Variants in OSBPL1A observed in about 807,000 individuals in gnomAD.
The protein encoded by OSBPL1A is oxysterol binding protein like 1A.
In OSBPL1A, 80 loss-of-function variants were observed where a neutral mutation model predicts 137.1. The observed-to-expected ratio is 0.58, with a 90% CI of 0.49 to 0.70. The LOEUF (loss-of-function observed/expected upper bound fraction) is 0.70. Ranked by LOEUF, OSBPL1A falls within the 30% of genes least tolerant of loss-of-function variation. The pLI is 0.00. For missense variants in OSBPL1A, 970 were observed against 1,129.4 expected (o/e 0.86, Z 2.02); for synonymous variants, 365 against 389.7 (o/e 0.94, Z 0.75).
At chr18:24,265,106 T>C (rs111811908) in intron 15 of OSBPL1A, among the ~76,000 whole-genome samples, 6 of 152,294 alleles carry the variant, frequency 3.9e-5, no homozygotes, top group African/African-American at 1.4e-4. Flanking sequence ...TTCTGAGACT[T>C]TGGGATTTTA....
At chr18:24,259,958 A>G (rs761437216) in intron 15 of OSBPL1A, among the ~76,000 whole-genome samples, 14 of 152,194 alleles carry the variant, frequency 9.2e-5, no homozygotes, top group Non-Finnish European at 1.8e-4. Flanking sequence ...TACAATATAT[A>G]CACAATCATG....
intron 14 of OSBPL1A, among the ~76,000 whole-genome samples, chr18:24,296,019 T>C (rs147499331): frequency 3.7e-4 from 57 of 152,152 alleles, no homozygotes; most frequent in African/African-American, 1.2e-3. Context: ...AGTTTTAAGA[T>C]TTTTTTTCTA....
chr18:24,338,160 C>T (rs2091210238), intron 5 of OSBPL1A, among the ~76,000 whole-genome samples: 1 of 151,436 alleles, frequency 6.6e-6, no homozygotes, highest in African/African-American at 2.4e-5. Flanking sequence ...GCAACCTCTG[C>T]CTCTCGGGTT....
At chr18:24,379,577 A>T (rs139641446) in intron 1 of OSBPL1A, among the ~76,000 whole-genome samples, 360 of 152,082 alleles carry the variant, frequency 2.4e-3, no homozygotes, top group Non-Finnish European at 4.0e-3. Flanking sequence ...ATTGAAACGA[A>T]GTTCTAAAAA....
intron 15 of OSBPL1A, among the ~76,000 whole-genome samples, chr18:24,247,962 C>A (rs1477236888): frequency 6.6e-6 from 1 of 152,100 alleles, no homozygotes; most frequent in Non-Finnish European, 1.5e-5. Flanking sequence ...AAAGGTTCAA[C>A]TGAGATGGGA....
At position 24,258,675 on chromosome 18, in the gene OSBPL1A, T is replaced by C. The variant is rs1419622872; in HGVS notation, c.1282-19293A>G. Among the ~76,000 whole-genome samples the C allele has an allele frequency of 2.0e-5, 3 of 152,208 alleles. No homozygotes were observed. The East Asian group carries it at 5.8e-4, about 29-fold the overall frequency. ...GAGGGAATGGCTATCCCATTTTCCATGTGATTATTACGCATTGTATGCCTG... is the reference window on the plus strand; with the variant it reads ...GAGGGAATGGCTATCCCATTTTCCACGTGATTATTACGCATTGTATGCCTG... On this transcript the variant is annotated intron_variant, in intron 15 of 27. Transcript: ENST00000319481.
At position 24,303,633 on chromosome 18, in the gene OSBPL1A, T is replaced by C. The variant is rs1406136172; in HGVS notation, c.1174+4A>G. Reference sequence around the variant, plus strand: ...GATTGTAGGGATAGTGCTTGTCTTTTTACCTTTAGCCATGTCACACTCCTT... The same window carrying C: ...GATTGTAGGGATAGTGCTTGTCTTTCTACCTTTAGCCATGTCACACTCCTT... On this transcript the variant is annotated splice_donor_region_variant and intron_variant, in intron 14 of 27. Transcript: ENST00000319481. 1 of 1,609,786 alleles carries C rather than the reference T, an allele frequency of 6.2e-7. No individual in the cohort carries two copies. Among genetic ancestry groups the C allele is most frequent in the Non-Finnish European group, 8.5e-7 (1 of 1,176,304 alleles).
intron 15 of OSBPL1A, among the ~76,000 whole-genome samples, chr18:24,241,083 C>T (rs1321863260): frequency 2.6e-5 from 4 of 152,206 alleles, no homozygotes. Flanking sequence ...ATGCAGAAAA[C>T]TGAAACTGGA....
chr18:24,262,251 T>A (rs2089460473), intron 15 of OSBPL1A, among the ~76,000 whole-genome samples: 1 of 152,226 alleles, frequency 6.6e-6, no homozygotes, highest in Non-Finnish European at 1.5e-5. Context: ...CTTTCTCAGA[T>A]GTCTGGTATG....
intron 14 of OSBPL1A, chr18:24,302,759 T>C (rs1161360143): frequency 2.0e-5 from 3 of 152,118 alleles, no homozygotes; most frequent in Non-Finnish European, 4.4e-5. Flanking sequence ...GAACTCATAA[T>C]AGAGAATGAA....
At chr18:24,259,752 C>A (rs953721114) in intron 15 of OSBPL1A, among the ~76,000 whole-genome samples, 12 of 151,966 alleles carry the variant, frequency 7.9e-5, no homozygotes, top group African/African-American at 2.9e-4. Context: ...GCACCACAGG[C>A]TATTCTGATA....
chr18:24,350,105 C>T (rs958221937), intron 4 of OSBPL1A, among the ~76,000 whole-genome samples: 6 of 152,252 alleles, frequency 3.9e-5, no homozygotes, highest in East Asian at 3.9e-4. Context: ...TACATTTCCT[C>T]GCTCCCCTTT....
chr18:24,260,458 A>G (rs901309607), intron 15 of OSBPL1A, among the ~76,000 whole-genome samples: 3 of 152,246 alleles, frequency 2.0e-5, no homozygotes, highest in Admixed American at 6.5e-5. Context: ...TACATACCAT[A>G]CTTCTTAGCC....
intron 7 of OSBPL1A, among the ~76,000 whole-genome samples, chr18:24,319,483 G>A (rs1390336795): frequency 6.6e-6 from 1 of 152,196 alleles, no homozygotes; most frequent in East Asian, 1.9e-4. Context: ...AGCTGAGGGT[G>A]TGATGGTCCA....
chr18:24,358,719 C>G lies in OSBPL1A; in HGVS notation c.282+8173G>C, dbSNP rs545699724. Among the ~76,000 whole-genome samples the G allele has an allele frequency of 5.3e-4, 81 of 152,268 alleles. 1 individual carries two copies. Among genetic ancestry groups the G allele is most frequent in the Non-Finnish European group, 9.1e-4 (62 of 68,018 alleles). On this transcript the variant is annotated intron_variant, in intron 4 of 27. Transcript: ENST00000319481. The stretch of plus-strand genomic sequence containing the variant: ...TAGAGAGAATTTCTGAGACACAGAA[C>G]ATAGGAAGCATTTATTGTATTTGTT...
At chr18:24,164,563 G>T (rs901091542) in intron 27 of OSBPL1A, among the ~76,000 whole-genome samples, 9 of 151,732 alleles carry the variant, frequency 5.9e-5, no homozygotes, top group South Asian at 2.1e-4. Flanking sequence ...TGAATATCTG[G>T]GACTACAGGC....
rs12458616 is a variant in OSBPL1A at position 24,178,205 on chromosome 18, T to A, written c.1911-10A>T. The A allele has an allele frequency of 7.3e-4, 863 of 1,175,034 alleles. No individual in the cohort carries two copies. Among genetic ancestry groups the A allele is most frequent in the African/African-American group, 5.9e-3 (349 of 58,716 alleles). The allele number at this position is 1,175,034 out of a possible 1,614,324, so 72.8% of individuals were successfully genotyped here. On this transcript the variant is annotated splice_polypyrimidine_tract_variant and intron_variant, in intron 20 of 27. Transcript: ENST00000319481. ...AAATCCAAGGTCATCTCTTAAGATTTAAAAAAAAAAAAAAAGAAAAAAAAA... is the reference window on the plus strand; with the variant it reads ...AAATCCAAGGTCATCTCTTAAGATTAAAAAAAAAAAAAAAAGAAAAAAAAA...
At chr18:24,191,891 A>T (rs2086899907) in intron 18 of OSBPL1A, among the ~76,000 whole-genome samples, 1 of 152,246 alleles carries the variant, frequency 6.6e-6, no homozygotes, top group Non-Finnish European at 1.5e-5. Flanking sequence ...ATTAAAGGAG[A>T]CATAGAAGTA....
At chr18:24,269,851 A>AACACACACACAC (rs147895357) in intron 15 of OSBPL1A, among the ~76,000 whole-genome samples, 26,564 of 139,736 alleles carry the variant, frequency 0.19, 2,736 homozygotes, top group Non-Finnish European at 0.21. Flanking sequence ...TGACAAGCCT[A>AACACACACACAC]ACACACACAC....
Sources: allele counts gnomAD v4.1 joint callset (sites outside exome capture counted in the v4.1 genomes callset), GRCh38; gene constraint gnomAD v4.1.1; transcripts MANE v1.5; gene names NCBI Gene and HGNC (gene_info 2026-07-23, HGNC 2026-07-21).